Variants in N4BP1 observed in about 807,000 individuals in gnomAD.
The protein encoded by N4BP1 is NEDD4-binding protein 1.
Under a neutral mutation model 70.9 loss-of-function variants are expected in N4BP1, and 21 were observed. The ratio of observed to expected loss-of-function variants is 0.30; its 90% CI spans 0.21 to 0.43. The LOEUF is 0.43. Ranked by LOEUF, N4BP1 falls within the 20% of genes least tolerant of loss-of-function variation. N4BP1 has a pLI of 1.00. For synonymous variants in N4BP1, 387 were observed against 394.6 expected (o/e 0.98, Z 0.23); for missense variants, 936 against 1,069.4 (o/e 0.88, Z 1.74).
In N4BP1 at chr16:48,597,438, T is replaced by A. The variant is rs189469348; in HGVS notation, c.198+12337A>T. On this transcript the variant is annotated intron_variant, in intron 1 of 6. Coordinates refer to ENST00000262384, the MANE Select transcript of N4BP1 (RefSeq NM_153029.4). ...TACTTCCTTGTAACCGAAAGTCATG[T>A]AGCAGTAGACACCGAAAATTTGCAT... 5.3e-5 allele frequency among the ~76,000 whole-genome samples: 8 copies of A among 152,344 alleles called. No homozygotes were observed. The East Asian group carries it at 1.5e-3, about 29-fold the overall frequency.
chr16:48,560,951 T>C lies in N4BP1; in HGVS notation c.1692A>G (p.Pro564=), dbSNP rs373207590. 5 of 1,613,822 alleles carry C rather than the reference T, an allele frequency of 3.1e-6. No homozygotes were observed. The African/African-American group carries it at 5.3e-5, about 17-fold the overall frequency. Residue 564 remains proline (P), a synonymous_variant, in exon 2 of 7, where the codon CCA becomes CCG. Transcript: ENST00000262384. ...AAGGTAACAGCTGGGGCAGTGGCAT[T>C]GGTGGAGAAAGGGTTGAGCAATTTG... ...SKPNCSTLSP[P]MPLPQLLPSV... is the part of the protein sequence containing the mutation.
chr16:48,571,306 A>C (rs1964017788), intron 1 of N4BP1, among the ~76,000 whole-genome samples: 1 of 152,214 alleles, frequency 6.6e-6, no homozygotes, highest in Non-Finnish European at 1.5e-5. Context: ...TTTATTCTCC[A>C]GATGAAAGAC....
At chr16:48,590,161 G>A (rs1964312830) in intron 1 of N4BP1, among the ~76,000 whole-genome samples, 1 of 152,036 alleles carries the variant, frequency 6.6e-6, no homozygotes. Context: ...CAATGAATCA[G>A]CTGACACCAC....
chr16:48,561,320 T>C lies in N4BP1; in HGVS notation c.1323A>G (p.Lys441=). The C allele has an allele frequency of 6.2e-7, 1 of 1,613,800 alleles. No homozygotes were observed. Among genetic ancestry groups the C allele is most frequent in the African/African-American group, 1.3e-5 (1 of 75,038 alleles). The change falls in exon 2 of 7, where the codon AAA becomes AAG. Residue 441 remains lysine, a synonymous_variant. Transcript: ENST00000262384. ...QAHTQQNMVE[K]FSQLPFKVEA... ...CCACTTTGAATGGTAACTGAGAAAA[T>C]TTTTCTACCATATTTTGCTGTGTGT...
intron 1 of N4BP1, among the ~76,000 whole-genome samples, chr16:48,606,426 C>A (rs1053631857): frequency 6.6e-6 from 1 of 152,150 alleles, no homozygotes; most frequent in Non-Finnish European, 1.5e-5. Flanking sequence ...GTACCTCAGC[C>A]TTCATCTTTC....
At chr16:48,564,309 C>A (rs1008910416) in intron 1 of N4BP1, among the ~76,000 whole-genome samples, 1 of 152,196 alleles carries the variant, frequency 6.6e-6, no homozygotes, top group Non-Finnish European at 1.5e-5. Flanking sequence ...CTAAGTTTTA[C>A]ATTTAAACCT....
intron 1 of N4BP1, among the ~76,000 whole-genome samples, chr16:48,575,806 G>A (rs1016699240): frequency 2.6e-5 from 4 of 152,104 alleles, no homozygotes; most frequent in African/African-American, 4.8e-5. Context: ...CAGACACAAC[G>A]GTTAAAAACC....
At chr16:48,573,913 T>C (rs947146700) in intron 1 of N4BP1, among the ~76,000 whole-genome samples, 3 of 152,188 alleles carry the variant, frequency 2.0e-5, no homozygotes, top group Non-Finnish European at 2.9e-5. Context: ...AAGTGGATCT[T>C]CATGAAGGCC....
intron 2 of N4BP1, among the ~76,000 whole-genome samples, chr16:48,557,268 G>C (rs1424444344): frequency 1.3e-5 from 2 of 152,176 alleles, no homozygotes; most frequent in Non-Finnish European, 2.9e-5. Context: ...TCAAATCAGT[G>C]AGCTTTAGTC....
rs138966559 is a variant in N4BP1 at position 48,559,164 on chromosome 16, ATTATC to A, written c.1889+1585_1889+1589del. On this transcript the variant is annotated intron_variant, in intron 2 of 6. Coordinates refer to ENST00000262384, the MANE Select transcript of N4BP1 (RefSeq NM_153029.4). ...GTGGGTGATGAACCCCTGGGAATTCATTATCTTATCTTATGTATTTGAAAATCCTA... is the reference window on the plus strand; with the variant it reads ...GTGGGTGATGAACCCCTGGGAATTCATTATCTTATGTATTTGAAAATCCTA... Among the ~76,000 whole-genome samples, 493 of 152,298 alleles carry A rather than the reference ATTATC, an allele frequency of 3.2e-3. 8 individuals are homozygous for A. The East Asian group carries it at 0.054, about 17-fold the overall frequency.
chr16:48,539,460 A>G lies in N4BP1; in HGVS notation c.*3444T>C, dbSNP rs1319190466. 6.6e-6 allele frequency: 1 copy of G among 152,460 alleles called. No individual in the cohort carries two copies. The highest frequency in any genetic ancestry group is 2.4e-5 in the African/African-American group (1 of 41,436). The allele number at this position is 152,460 out of a possible 1,614,324, so 9.4% of individuals were successfully genotyped here. On this transcript the variant is annotated 3_prime_UTR_variant, in exon 7 of 7. Coordinates refer to ENST00000262384, the MANE Select transcript of N4BP1 (RefSeq NM_153029.4). ...TGAGGATGTCATAGGGCTTCCTGGT[A>G]GAGTGGAAAGTGCACTCCTGAAGGT...
In N4BP1 at chr16:48,560,746, G is replaced by A; in HGVS notation, c.1889+8C>T. 1 of 1,587,500 alleles carries A rather than the reference G, an allele frequency of 6.3e-7. No individual in the cohort carries two copies. On this transcript the variant is annotated splice_region_variant and intron_variant, in intron 2 of 6. Transcript: ENST00000262384. ...TAAAATAAAATAATCTGCAGAGAAT[G>A]GACTTACGTAATTGCAACATTGCTC...
rs1964648197 is a variant in N4BP1 at position 48,609,709 on chromosome 16, G to A, written c.198+66C>T. 7 of 1,211,698 alleles carry A rather than the reference G, an allele frequency of 5.8e-6. No individual in the cohort carries two copies. In the South Asian group the frequency reaches 1.2e-4, roughly 20 times the overall value. 75.1% of individuals were successfully genotyped at this position (1,211,698 alleles called of 1,614,324 possible). A position where few individuals can be genotyped will look rare whatever the true frequency, so the allele number is the denominator to read the frequency against. On this transcript the variant is annotated intron_variant, in intron 1 of 6. Transcript: ENST00000262384. ...CGCGGCGGACGGCGGGGGCGGGGAG[G>A]AGCGGGAGCCCGGAGACCCGGACCG... is the stretch of plus-strand genomic sequence containing the variant.
chr16:48,546,054 T>C (rs1403947227), intron 6 of N4BP1, 93 bp downstream of exon 6: 1 of 732,550 alleles, frequency 1.4e-6, no homozygotes, highest in Non-Finnish European at 2.2e-6. Context: ...ATTTTTTTAA[T>C]GTCATTTTTA....
chr16:48,549,372 CTG>C (rs1963633151), intron 4 of N4BP1, among the ~76,000 whole-genome samples: 1 of 152,144 alleles, frequency 6.6e-6, no homozygotes, highest in African/African-American at 2.4e-5. Flanking sequence ...AGTAAGGCTT[CTG>C]AGTTCATGTA....
chr16:48,599,296 T>C (rs1247098375), intron 1 of N4BP1, among the ~76,000 whole-genome samples: 6 of 152,158 alleles, frequency 3.9e-5, no homozygotes, highest in Non-Finnish European at 8.8e-5. Flanking sequence ...ACTGCAACTG[T>C]TTTTAAACCC....
intron 3 of N4BP1, among the ~76,000 whole-genome samples, chr16:48,551,932 C>T (rs988958008): frequency 1.3e-5 from 2 of 152,064 alleles, no homozygotes; most frequent in Non-Finnish European, 1.5e-5. Flanking sequence ...GCAGGAGAAT[C>T]GCTTGAACCC....
chr16:48,567,782 A>C (rs1456028763), intron 1 of N4BP1, among the ~76,000 whole-genome samples: 1 of 152,144 alleles, frequency 6.6e-6, no homozygotes, highest in South Asian at 2.1e-4. Flanking sequence ...ATGTTTTGAC[A>C]TCTTGGGGGA....
At chr16:48,563,594 G>T (rs539349372) in intron 1 of N4BP1, among the ~76,000 whole-genome samples, 3 of 152,214 alleles carry the variant, frequency 2.0e-5, no homozygotes, top group Non-Finnish European at 2.9e-5. Context: ...GGCCAAGCTG[G>T]TCTTGAACTC....
Sources: gnomAD v4.1 joint callset for allele counts (sites outside exome capture counted in the v4.1 genomes callset) on GRCh38, gnomAD v4.1.1 for gene constraint, MANE v1.5 for transcripts, NCBI Gene and HGNC (gene_info 2026-07-23, HGNC 2026-07-21) for gene names.